The following RTN1 variants were observed in gnomAD, a reference collection of about 807,000 sequenced individuals.
RTN1 encodes the protein reticulon 1, also known as reticulon-1.
Under a neutral mutation model 65.5 loss-of-function variants are expected in RTN1, and 25 were observed. The ratio of observed to expected loss-of-function variants is 0.38; its 90% CI spans 0.28 to 0.53. The LOEUF (loss-of-function observed/expected upper bound fraction) is 0.53, where lower values mean the gene tolerates loss of function less well. Ranked by LOEUF, RTN1 falls within the 20% of genes least tolerant of loss-of-function variation. The pLI is 0.79. For synonymous variants in RTN1, 471 were observed against 447.6 expected (o/e 1.05, Z -0.66); for missense variants, 983 against 1,025.4 (o/e 0.96, Z 0.57).
At chr14:59,670,741 G>A (rs567000103) in intron 3 of RTN1, among the ~76,000 whole-genome samples, 3 of 152,146 alleles carry the variant, frequency 2.0e-5, no homozygotes, top group African/African-American at 7.2e-5. Flanking sequence ...CTAAATAAGT[G>A]TTAATATAGT....
chr14:59,609,706 C>T (rs1004743096), intron 3 of RTN1, among the ~76,000 whole-genome samples: 1 of 152,184 alleles, frequency 6.6e-6, no homozygotes, highest in African/African-American at 2.4e-5. Flanking sequence ...TATTTACTCT[C>T]TTTGTGCAGG....
chr14:59,700,065 A>C (rs889113137), intron 3 of RTN1, among the ~76,000 whole-genome samples: 2 of 152,152 alleles, frequency 1.3e-5, no homozygotes, highest in East Asian at 3.8e-4. Context: ...GCCAAAGAAA[A>C]TATGTGAGAA....
intron 1 of RTN1, among the ~76,000 whole-genome samples, chr14:59,804,005 T>C (rs1886592668): frequency 1.3e-5 from 2 of 152,244 alleles, no homozygotes; most frequent in African/African-American, 2.4e-5. Context: ...ATGGTCTATT[T>C]GTTACAATTA....
chr14:59,784,372 C>T (rs1390484511), intron 1 of RTN1, among the ~76,000 whole-genome samples: 2 of 149,678 alleles, frequency 1.3e-5, no homozygotes, highest in Non-Finnish European at 3.0e-5. Flanking sequence ...ACCTGGGAGG[C>T]GGAGGTTGTG....
rs1280536863 is a variant in RTN1 at position 59,774,940 on chromosome 14, A to C, written c.242-28459T>G. 6.6e-6 allele frequency among the ~76,000 whole-genome samples: 1 copy of C among 152,202 alleles called. No individual in the cohort carries two copies. Among genetic ancestry groups the C allele is most frequent in the African/African-American group, 2.4e-5 (1 of 41,458 alleles). On this transcript the variant is annotated intron_variant, in intron 1 of 8. Transcript: ENST00000267484. The surrounding 1 kb of genome is among the most constrained non-coding windows in gnomAD (Gnocchi z 5.1). ...GACTGAATTAACATTTCAGGGGAAA[A>C]CTGTTGCAATAACAGACAGAAACCT...
At chr14:59,748,472 C>T (rs1370054607) in intron 1 of RTN1, among the ~76,000 whole-genome samples, 2 of 151,764 alleles carry the variant, frequency 1.3e-5, no homozygotes, top group East Asian at 1.9e-4. Context: ...CAAATGTCGC[C>T]GTCTTAAGAA....
At chr14:59,851,632 G>T (rs1887509738) in intron 1 of RTN1, among the ~76,000 whole-genome samples, 1 of 152,084 alleles carries the variant, frequency 6.6e-6, no homozygotes, top group African/African-American at 2.4e-5. Flanking sequence ...GGCCAAGGCG[G>T]ACAGATCACA....
chr14:59,760,220 A>T (rs1239169823), intron 1 of RTN1, among the ~76,000 whole-genome samples: 1 of 152,240 alleles, frequency 6.6e-6, no homozygotes, highest in Admixed American at 6.5e-5. Flanking sequence ...GTGAAAAAGT[A>T]AGTTGCAGAA....
intron 1 of RTN1, among the ~76,000 whole-genome samples, chr14:59,747,414 C>A (rs1004816251): frequency 1.3e-5 from 2 of 152,160 alleles, no homozygotes; most frequent in Non-Finnish European, 2.9e-5. Context: ...GTTCGTAGAC[C>A]AGCCTGACAA....
chr14:59,632,823 C>T (rs776527684), intron 3 of RTN1, among the ~76,000 whole-genome samples: 15 of 151,996 alleles, frequency 9.9e-5, no homozygotes, highest in Admixed American at 3.3e-4. Flanking sequence ...GGGCCAGGCG[C>T]GGTGGTTCAC....
chr14:59,735,590 G>A (rs1339718962), intron 2 of RTN1, among the ~76,000 whole-genome samples: 3 of 152,028 alleles, frequency 2.0e-5, no homozygotes, highest in Admixed American at 6.6e-5. Flanking sequence ...TTGCACTCCT[G>A]GTTTCTGACA....
chr14:59,841,378 A>G (rs899541240), intron 1 of RTN1, among the ~76,000 whole-genome samples: 1 of 152,200 alleles, frequency 6.6e-6, no homozygotes, highest in Non-Finnish European at 1.5e-5. Flanking sequence ...CCAATTAAAA[A>G]GAAGAAATTG....
intron 1 of RTN1, among the ~76,000 whole-genome samples, chr14:59,822,070 AT>A (rs1886953292): frequency 6.6e-6 from 1 of 152,124 alleles, no homozygotes; most frequent in African/African-American, 2.4e-5. Context: ...TCTTGGAATA[AT>A]TTCAGCAGGA....
rs1331095715 is a variant in RTN1, at chr14:59,836,412, G to A, written c.241+33978C>T. ...AGATGAGGACTCTCAGGCACAGAGA[G>A]ATTAAGGAACTCCCCACATCACACA... On this transcript the variant is annotated intron_variant, in intron 1 of 8. Transcript: ENST00000267484. This position sits in a 1 kb window ranked among gnomAD's most constrained non-coding sequence, Gnocchi z 4.9. 6.6e-6 allele frequency among the ~76,000 whole-genome samples: 1 copy of A among 152,228 alleles called. No homozygotes were observed. The highest frequency in any genetic ancestry group is 2.4e-5 in the African/African-American group (1 of 41,450).
At chr14:59,658,051 T>C (rs1367814863) in intron 3 of RTN1, among the ~76,000 whole-genome samples, 1 of 152,184 alleles carries the variant, frequency 6.6e-6, no homozygotes, top group Non-Finnish European at 1.5e-5. Context: ...CGCTTCAGGT[T>C]GGTGGGGGGA....
At chr14:59,851,260 T>A (rs561710008) in intron 1 of RTN1, among the ~76,000 whole-genome samples, 8 of 152,294 alleles carry the variant, frequency 5.3e-5, no homozygotes, top group Admixed American at 5.2e-4. Flanking sequence ...TCATTATGTG[T>A]TAAATAATAC....
intron 1 of RTN1, among the ~76,000 whole-genome samples, chr14:59,815,750 C>T (rs766818887): frequency 1.8e-4 from 27 of 152,296 alleles, no homozygotes; most frequent in Non-Finnish European, 3.2e-4. Context: ...CTCCTCCCTT[C>T]CCAACTCGGA....
chr14:59,635,097 A>G (rs1882635080), intron 3 of RTN1, among the ~76,000 whole-genome samples: 1 of 152,242 alleles, frequency 6.6e-6, no homozygotes, highest in African/African-American at 2.4e-5. Flanking sequence ...TAATAAATCA[A>G]TACCCCGACC....
intron 3 of RTN1, among the ~76,000 whole-genome samples, chr14:59,701,773 A>T (rs1045735197): frequency 8.5e-5 from 13 of 152,198 alleles, no homozygotes; most frequent in African/African-American, 3.1e-4. Flanking sequence ...TGATGGTTGC[A>T]CAACTCTGTG....
Sources: allele counts gnomAD v4.1 joint callset (sites outside exome capture counted in the v4.1 genomes callset), GRCh38; gene constraint gnomAD v4.1.1; non-coding constraint Gnocchi (gnomAD v3.1); transcripts MANE v1.5; gene names NCBI Gene and HGNC (gene_info 2026-07-23, HGNC 2026-07-21).